NKAIN3: variants seen among roughly 807,000 people sequenced by gnomAD.
NKAIN3 encodes the protein sodium/potassium-transporting ATPase subunit beta-1-interacting protein 3.
NKAIN3 carries 25 observed loss-of-function variants against 30.2 expected under a neutral mutation model. The observed-to-expected ratio is 0.83, with a 90% CI of 0.60 to 1.16. NKAIN3 has a LOEUF of 1.16. NKAIN3 is among the 50% of genes most tolerant of loss of function. The pLI, the probability that NKAIN3 is intolerant of heterozygous loss-of-function variation, is 0.00. For synonymous variants in NKAIN3, 91 were observed against 89.6 expected (o/e 1.02, Z -0.09); for missense variants, 225 against 254.1 (o/e 0.89, Z 0.78).
intron 1 of NKAIN3, among the ~76,000 whole-genome samples, chr8:62,471,932 C>G (rs55755287): frequency 6.6e-6 from 1 of 151,592 alleles, no homozygotes; most frequent in African/African-American, 2.4e-5. Flanking sequence ...TTGCTCCAGC[C>G]TGGGTGTCAG....
intron 4 of NKAIN3, chr8:62,863,389 A>G (rs1820315778): frequency 6.5e-7 from 1 of 1,545,782 alleles, no homozygotes; most frequent in Non-Finnish European, 8.8e-7. Flanking sequence ...ATCCATACAC[A>G]TCAAGATGTT....
chr8:62,379,991 T>C (rs1343457230), intron 1 of NKAIN3, among the ~76,000 whole-genome samples: 1 of 152,186 alleles, frequency 6.6e-6, no homozygotes, highest in Non-Finnish European at 1.5e-5. Context: ...CCTGTCATGA[T>C]ATCTCATGTC....
chr8:62,658,880 A>G (rs1230361863), intron 3 of NKAIN3, among the ~76,000 whole-genome samples: 1 of 151,964 alleles, frequency 6.6e-6, no homozygotes, highest in Non-Finnish European at 1.5e-5. Flanking sequence ...AATGTTCTGC[A>G]TATTTACACT....
At chr8:62,259,970 G>C (rs1160095363) in intron 1 of NKAIN3, among the ~76,000 whole-genome samples, 1 of 152,082 alleles carries the variant, frequency 6.6e-6, no homozygotes, top group Non-Finnish European at 1.5e-5. Context: ...GCAAGATCTT[G>C]GCAGTGTTAA....
intron 3 of NKAIN3, among the ~76,000 whole-genome samples, chr8:62,709,427 A>G (rs138317076): frequency 6.6e-6 from 1 of 152,188 alleles, no homozygotes; most frequent in East Asian, 1.9e-4. Flanking sequence ...AGGGTATCCA[A>G]TTCTTCCTGA....
chr8:62,990,263 C>T, intron 5 of NKAIN3: 1 of 1,513,242 alleles, frequency 6.6e-7, no homozygotes, highest in South Asian at 1.3e-5. Flanking sequence ...ACCAAATTGT[C>T]ACATCAGTCA....
At chr8:62,416,354 C>T (rs556956464) in intron 1 of NKAIN3, among the ~76,000 whole-genome samples, 12 of 152,256 alleles carry the variant, frequency 7.9e-5, no homozygotes, top group African/African-American at 2.9e-4. Context: ...TCTTCCCTTG[C>T]CTTGGCTTTC....
At chr8:62,927,926 G>A (rs183829937) in intron 5 of NKAIN3, among the ~76,000 whole-genome samples, 7 of 152,116 alleles carry the variant, frequency 4.6e-5, no homozygotes, top group African/African-American at 1.7e-4. Flanking sequence ...AAGAGCTATA[G>A]TCTTGGACCA....
At chr8:62,376,684 T>C (rs1163383568) in intron 1 of NKAIN3, among the ~76,000 whole-genome samples, 1 of 152,182 alleles carries the variant, frequency 6.6e-6, no homozygotes, top group African/African-American at 2.4e-5. Context: ...CCTCTCAATC[T>C]TCTCCTATAT....
At chr8:62,474,360 G>A (rs1027457683) in intron 1 of NKAIN3, 1 of 152,200 alleles carries the variant, frequency 6.6e-6, no homozygotes, top group Non-Finnish European at 1.5e-5. Flanking sequence ...GAGAAGGGCA[G>A]TCTTTGTTGT....
At chr8:62,751,571 T>C (rs936068621) in intron 4 of NKAIN3, among the ~76,000 whole-genome samples, 1 of 152,192 alleles carries the variant, frequency 6.6e-6, no homozygotes, top group African/African-American at 2.4e-5. Context: ...CTTTTTATTC[T>C]TATGTATTTT....
At chr8:62,610,814 T>C (rs1811264906) in intron 3 of NKAIN3, among the ~76,000 whole-genome samples, 1 of 152,158 alleles carries the variant, frequency 6.6e-6, no homozygotes, top group Non-Finnish European at 1.5e-5. Flanking sequence ...ATGCCAAGAT[T>C]CTGTTCATTG....
chr8:62,470,529 T>G (rs900589870), intron 1 of NKAIN3, among the ~76,000 whole-genome samples: 2 of 152,108 alleles, frequency 1.3e-5, no homozygotes, highest in Non-Finnish European at 2.9e-5. Context: ...TTTTGCTAAC[T>G]GCAGATGCAG....
At position 62,361,294 on chromosome 8, in the gene NKAIN3, T is replaced by G. The variant is rs1261695148; in HGVS notation, c.54+112167T>G. ...TCTATATGACCTGATCTTATGTTTA[T>G]GGATGATTTGTTTTGCTTTGCCTTT... On this transcript the variant is annotated intron_variant, in intron 1 of 6. Coordinates refer to ENST00000623646, the MANE Select transcript of NKAIN3 (RefSeq NM_001304533.3). Among the ~76,000 whole-genome samples, 4 of 152,408 alleles carry G rather than the reference T, an allele frequency of 2.6e-5. No homozygotes were observed. The East Asian group carries it at 7.7e-4, about 29-fold the overall frequency.
At chr8:62,272,374 T>C (rs141113931) in intron 1 of NKAIN3, among the ~76,000 whole-genome samples, 1 of 152,136 alleles carries the variant, frequency 6.6e-6, no homozygotes, top group African/African-American at 2.4e-5. Context: ...ACGCCAGTGA[T>C]GAACAGGAAG....
Position 62,305,833 on chromosome 8 carries a change from G to A in NKAIN3, c.54+56706G>A, listed in dbSNP as rs144591699. Among the ~76,000 whole-genome samples, 249 of 150,330 alleles carry A rather than the reference G, an allele frequency of 1.7e-3. 28 individuals carry two copies. Among genetic ancestry groups the A allele is most frequent in the African/African-American group, 5.8e-3 (232 of 39,820 alleles). On this transcript the variant is annotated intron_variant, in intron 1 of 6. Transcript: ENST00000623646. Reference sequence around the variant, plus strand: ...TGAGGATCTTGACTCATTCTCATTCGTCAAAATAGCAAATGAGGAGTTTGA... The same window carrying A: ...TGAGGATCTTGACTCATTCTCATTCATCAAAATAGCAAATGAGGAGTTTGA...
At chr8:62,840,189 C>T (rs2130758509) in intron 4 of NKAIN3, among the ~76,000 whole-genome samples, 1 of 152,086 alleles carries the variant, frequency 6.6e-6, no homozygotes, top group East Asian at 1.9e-4. Flanking sequence ...CTTCCTTAAC[C>T]TACATTATCC....
At chr8:62,951,428 A>C (rs975867017) in intron 5 of NKAIN3, among the ~76,000 whole-genome samples, 2 of 152,210 alleles carry the variant, frequency 1.3e-5, no homozygotes, top group African/African-American at 4.8e-5. Context: ...TCATAGAATT[A>C]GCATAAGCCT....
chr8:62,345,386 T>G (rs71513474), intron 1 of NKAIN3, among the ~76,000 whole-genome samples: 1 of 77,572 alleles, frequency 1.3e-5, no homozygotes, highest in Non-Finnish European at 2.9e-5. Context: ...TATATGTATA[T>G]ATACACACAT....
Sources: gnomAD v4.1 joint callset for allele counts (sites outside exome capture counted in the v4.1 genomes callset) on GRCh38, gnomAD v4.1.1 for gene constraint, MANE v1.5 for transcripts, NCBI Gene and HGNC (gene_info 2026-07-23, HGNC 2026-07-21) for gene names.